Variants in KIAA1958 observed in about 807,000 individuals in gnomAD.
KIAA1958 encodes uncharacterized protein KIAA1958.
Under a neutral mutation model 47.2 loss-of-function variants are expected in KIAA1958, and 14 were observed. The ratio of observed to expected loss-of-function variants is 0.30; its 90% CI spans 0.20 to 0.46. KIAA1958 has a LOEUF of 0.46. Among genes scored for constraint, KIAA1958 ranks in the 20% least tolerant of loss-of-function variants. The pLI is 1.00. For missense variants in KIAA1958, 803 were observed against 909.2 expected (o/e 0.88, Z 1.50); for synonymous variants, 354 against 353.3 (o/e 1.00, Z -0.02).
intron 1 of KIAA1958, among the ~76,000 whole-genome samples, chr9:112,549,198 T>C (rs977897305): frequency 1.3e-5 from 2 of 152,236 alleles, no homozygotes; most frequent in African/African-American, 4.8e-5. Flanking sequence ...TAACGACATA[T>C]GCACCTTTAT....
rs1377706102 is a variant in KIAA1958 at position 112,666,263 on chromosome 9, T to G, written c.*6194T>G. On this transcript the variant is annotated 3_prime_UTR_variant, in exon 4 of 4. Transcript: ENST00000337530. The stretch of plus-strand genomic sequence containing the variant: ...AAAATATACTTATTTACTCGTTTTC[T>G]GTTCTTTTTTCCTTTATCGGGGCAT... 6.6e-6 allele frequency: 1 copy of G among 152,186 alleles called. No homozygotes were observed. Among genetic ancestry groups the G allele is most frequent in the East Asian group, 1.9e-4 (1 of 5,190 alleles). 9.4% of individuals were successfully genotyped at this position (152,186 alleles called of 1,614,324 possible).
chr9:112,572,033 T>G (rs1476313604), intron 1 of KIAA1958, among the ~76,000 whole-genome samples: 1 of 152,074 alleles, frequency 6.6e-6, no homozygotes, highest in African/African-American at 2.4e-5. Flanking sequence ...ATTAGTGCCT[T>G]GTCTGAGACC....
At chr9:112,511,047 T>A (rs937501762) in intron 1 of KIAA1958, among the ~76,000 whole-genome samples, 4 of 152,018 alleles carry the variant, frequency 2.6e-5, no homozygotes, top group African/African-American at 9.7e-5. Context: ...TAGAGGTAGA[T>A]GTGGCACTGA....
At chr9:112,658,968 C>T (rs1314433667) in intron 3 of KIAA1958, among the ~76,000 whole-genome samples, 1 of 136,292 alleles carries the variant, frequency 7.3e-6, no homozygotes, top group Non-Finnish European at 1.5e-5. Flanking sequence ...TGCAGTGAGC[C>T]GAGATCACGC....
Position 112,575,010 on chromosome 9 carries a change from G to A in KIAA1958, c.930G>A (p.Met310Ile), listed in dbSNP as rs149501971. ...CCAACCAACAGGTGGCCATGCAAAT[G>A]CCTGTGAGCACATCCCATCCTAACA... Reference protein sequence around the residue: ...HGTNQQVAMQMPVSTSHPNKQ... With the variant: ...HGTNQQVAMQIPVSTSHPNKQ... Residue 310 changes from methionine to isoleucine, a missense_variant, in exon 2 of 4, where the codon ATG becomes ATA. Coordinates refer to ENST00000337530, the MANE Select transcript of KIAA1958 (RefSeq NM_133465.4). 2.8e-5 allele frequency: 46 copies of A among 1,614,046 alleles called. No individual in the cohort carries two copies. The African/African-American group carries it at 6.0e-4, about 21-fold the overall frequency.
chr9:112,654,513 G>T (rs1444650240), intron 3 of KIAA1958, among the ~76,000 whole-genome samples: 1 of 152,022 alleles, frequency 6.6e-6, no homozygotes, highest in Non-Finnish European at 1.5e-5. Context: ...AAAGCACTCC[G>T]CACAAAGAAG....
intron 2 of KIAA1958, among the ~76,000 whole-genome samples, chr9:112,633,666 C>T (rs1485198827): frequency 6.6e-6 from 1 of 152,034 alleles, no homozygotes; most frequent in African/African-American, 2.4e-5. Context: ...ACTGACTTCA[C>T]CATAGAGTCA....
At position 112,659,646 on chromosome 9, in the gene KIAA1958, G is replaced by A. The variant is rs146606124; in HGVS notation, c.1728G>A (p.Ala576=). The part of the protein sequence containing the change: ...YLNMRTLQEH[A]DLMYGDIELL... The stretch of plus-strand genomic sequence containing the variant: ...ACATGCGGACGCTGCAGGAGCATGC[G>A]GATCTGATGTATGGTGACATCGAGC... The change falls in exon 4 of 4, where the codon GCG becomes GCA. Residue 576 remains alanine (A), a synonymous_variant. Transcript: ENST00000337530. 3.7e-5 allele frequency: 59 copies of A among 1,614,128 alleles called. No individual in the cohort carries two copies. The highest frequency in any genetic ancestry group is 8.3e-5 in the Admixed American group (5 of 60,016).
At chr9:112,547,198 G>A (rs1018003456) in intron 1 of KIAA1958, among the ~76,000 whole-genome samples, 4 of 147,782 alleles carry the variant, frequency 2.7e-5, no homozygotes, top group Non-Finnish European at 5.9e-5. Context: ...CCAACATGGC[G>A]AAACCCCATC....
At chr9:112,643,223 T>C (rs1243524416) in intron 2 of KIAA1958, among the ~76,000 whole-genome samples, 1 of 152,152 alleles carries the variant, frequency 6.6e-6, no homozygotes, top group Non-Finnish European at 1.5e-5. Context: ...AAGCATGGAG[T>C]CAGAGACCCG....
At chr9:112,647,392 T>C (rs1836993120) in intron 3 of KIAA1958, among the ~76,000 whole-genome samples, 1 of 151,980 alleles carries the variant, frequency 6.6e-6, no homozygotes, top group Non-Finnish European at 1.5e-5. Flanking sequence ...AAGGAAAATA[T>C]CCAAAATGTA....
intron 2 of KIAA1958, among the ~76,000 whole-genome samples, chr9:112,605,793 G>A (rs1239703718): frequency 6.6e-6 from 1 of 152,078 alleles, no homozygotes; most frequent in Non-Finnish European, 1.5e-5. Context: ...TGCTCTTTGC[G>A]TGACTGGCTT....
At chr9:112,650,857 T>C (rs1837045456) in intron 3 of KIAA1958, among the ~76,000 whole-genome samples, 1 of 152,198 alleles carries the variant, frequency 6.6e-6, no homozygotes. Context: ...AGATATACTA[T>C]GCAAGCATTA....
At position 112,618,967 on chromosome 9, in the gene KIAA1958, GTGATTA is replaced by G. The variant is rs2131217577; in HGVS notation, c.1172-26681_1172-26676del. Reference sequence around the variant, plus strand: ...TTTGGTTACTGTGTCCGGAGAAACTGTGATTATACACCGCTTCTCGTTCCCCTTCCT... The same window carrying G: ...TTTGGTTACTGTGTCCGGAGAAACTGTACACCGCTTCTCGTTCCCCTTCCT... On this transcript the variant is annotated intron_variant, in intron 2 of 3. Coordinates refer to ENST00000337530, the MANE Select transcript of KIAA1958 (RefSeq NM_133465.4). The surrounding 1 kb of genome is among the most constrained non-coding windows in gnomAD (Gnocchi z 7.1). The G allele has an allele frequency of 6.8e-7, 1 of 1,479,994 alleles. No homozygotes were observed. The highest frequency in any genetic ancestry group is 1.4e-5 in the African/African-American group (1 of 71,422). The allele number at this position is 1,479,994 out of a possible 1,614,324, so 91.7% of individuals were successfully genotyped here.
intron 1 of KIAA1958, among the ~76,000 whole-genome samples, chr9:112,487,885 G>A (rs1221978047): frequency 3.4e-5 from 5 of 148,866 alleles, no homozygotes; most frequent in African/African-American, 9.9e-5. Flanking sequence ...TTTTAGATTG[G>A]GACTTTAAAA....
At chr9:112,585,706 G>C (rs1306259965) in intron 2 of KIAA1958, among the ~76,000 whole-genome samples, 2 of 152,168 alleles carry the variant, frequency 1.3e-5, no homozygotes, top group Non-Finnish European at 1.5e-5. Flanking sequence ...AGGTGTTTCA[G>C]GAGTTAAAAT....
intron 1 of KIAA1958, among the ~76,000 whole-genome samples, chr9:112,509,437 G>A (rs7037429): frequency 0.25 from 38,473 of 151,592 alleles, 4,969 homozygotes; most frequent in Middle Eastern, 0.38. Context: ...CTGACCTCAG[G>A]TGATCCACCC....
chr9:112,598,178 G>A (rs903448617), intron 2 of KIAA1958, among the ~76,000 whole-genome samples: 1 of 152,296 alleles, frequency 6.6e-6, no homozygotes, highest in South Asian at 2.1e-4. Flanking sequence ...ATGGAGGCCA[G>A]GAGTGTATTC....
At chr9:112,613,207 C>T (rs1836356783) in intron 2 of KIAA1958, among the ~76,000 whole-genome samples, 1 of 152,086 alleles carries the variant, frequency 6.6e-6, no homozygotes, top group Non-Finnish European at 1.5e-5. Flanking sequence ...GTCCTATATG[C>T]TTGTATTGAC....
Sources: allele counts gnomAD v4.1 joint callset (sites outside exome capture counted in the v4.1 genomes callset), GRCh38; gene constraint gnomAD v4.1.1; non-coding constraint Gnocchi (gnomAD v3.1); transcripts MANE v1.5; gene names NCBI Gene and HGNC (gene_info 2026-07-23, HGNC 2026-07-21).